FCHSD2: variants seen among roughly 807,000 people sequenced by gnomAD.
FCHSD2 encodes the protein F-BAR and double SH3 domains protein 2.
FCHSD2 carries 38 observed loss-of-function variants against 108.1 expected under a neutral mutation model. The ratio of observed to expected loss-of-function variants is 0.35; its 90% CI spans 0.27 to 0.46. FCHSD2 has a LOEUF of 0.46. Among genes scored for constraint, FCHSD2 ranks in the 20% least tolerant of loss-of-function variants. The pLI is 1.00. For synonymous variants in FCHSD2, 279 were observed against 314.7 expected (o/e 0.89, Z 1.20); for missense variants, 751 against 897.8 (o/e 0.84, Z 2.09).
intron 8 of FCHSD2, among the ~76,000 whole-genome samples, chr11:72,967,195 G>T (rs1212242560): frequency 5.6e-5 from 8 of 142,942 alleles, no homozygotes; most frequent in Non-Finnish European, 9.1e-5. Context: ...GCAAGACTCT[G>T]TCTCAAAAAA....
intron 4 of FCHSD2, among the ~76,000 whole-genome samples, chr11:73,011,877 C>G (rs886902044): frequency 2.6e-5 from 4 of 152,098 alleles, no homozygotes; most frequent in Non-Finnish European, 5.9e-5. Flanking sequence ...CTTGGATGAT[C>G]TAGTCAACAT....
intron 8 of FCHSD2, among the ~76,000 whole-genome samples, chr11:72,982,734 C>G (rs1242151449): frequency 2.6e-5 from 4 of 152,190 alleles, no homozygotes; most frequent in African/African-American, 9.7e-5. Context: ...GGACAGACAT[C>G]TTCATATAGC....
At chr11:72,839,525 A>G (rs1860842162) in intron 19 of FCHSD2, among the ~76,000 whole-genome samples, 1 of 152,170 alleles carries the variant, frequency 6.6e-6, no homozygotes, top group South Asian at 2.1e-4. Flanking sequence ...CAGTAGGGGA[A>G]GTAGAGAAGT....
chr11:72,972,393 A>G (rs1028740916), intron 8 of FCHSD2, among the ~76,000 whole-genome samples: 4 of 152,200 alleles, frequency 2.6e-5, no homozygotes, highest in African/African-American at 9.7e-5. Context: ...TTTCTTTCCA[A>G]ACTATATTTC....
chr11:72,863,248 T>C (rs1854640127), intron 13 of FCHSD2, among the ~76,000 whole-genome samples: 1 of 151,694 alleles, frequency 6.6e-6, no homozygotes, highest in African/African-American at 2.4e-5. Flanking sequence ...TTTTTGACAA[T>C]GATGCAAAGG....
At chr11:73,058,169 G>A (rs1859074665) in intron 3 of FCHSD2, among the ~76,000 whole-genome samples, 1 of 152,134 alleles carries the variant, frequency 6.6e-6, no homozygotes, top group African/African-American at 2.4e-5. Flanking sequence ...GTGAGCCACT[G>A]TGCCTGGCCA....
At chr11:72,924,679 CTTT>C (rs200855476) in intron 8 of FCHSD2, among the ~76,000 whole-genome samples, 1 of 138,448 alleles carries the variant, frequency 7.2e-6, no homozygotes, top group East Asian at 2.1e-4. Context: ...TTCCATTAAA[CTTT>C]TTTTTTTTTT....
intron 3 of FCHSD2, among the ~76,000 whole-genome samples, chr11:73,026,039 T>TGTA (rs1858222092): frequency 6.6e-6 from 1 of 151,692 alleles, no homozygotes; most frequent in African/African-American, 2.4e-5. Flanking sequence ...TATGTATGTA[T>TGTA]TTTGACATAG....
intron 2 of FCHSD2, among the ~76,000 whole-genome samples, chr11:73,085,599 C>A (rs575493204): frequency 6.6e-6 from 1 of 152,156 alleles, no homozygotes; most frequent in East Asian, 1.9e-4. Context: ...ATTGAAAAGT[C>A]ACCACACAAA....
In FCHSD2 at chr11:72,902,628, T is replaced by A; in HGVS notation, c.839A>T (p.Asp280Val). The change falls in exon 10 of 20, where the codon GAC becomes GTC. Residue 280 changes from aspartate to valine, a missense_variant. Transcript: ENST00000409418. ...LLENSSKVVR[D>V]YNLQLFLQEN... The stretch of plus-strand genomic sequence containing the variant: ...TTGCAAAAACAGCTGAAGATTGTAG[T>A]CCCGGACCACCTAAAGAGAAAATAA... 6.4e-7 allele frequency: 1 copy of A among 1,569,632 alleles called. No homozygotes were observed. Among genetic ancestry groups the A allele is most frequent in the Non-Finnish European group, 8.7e-7 (1 of 1,155,584 alleles).
chr11:72,837,323 T>G lies in FCHSD2; in HGVS notation c.*1468A>C, dbSNP rs532348821. ...TCAAAGAACTAAAAATTTCTTCAGT[T>G]ATCACCTTACTTTTGGTCAAAAATC... is the stretch of plus-strand genomic sequence containing the variant. On this transcript the variant is annotated 3_prime_UTR_variant, in exon 20 of 20. Coordinates refer to ENST00000409418, the MANE Select transcript of FCHSD2 (RefSeq NM_014824.3). 1.3e-4 allele frequency: 20 copies of G among 152,708 alleles called. No homozygotes were observed. The East Asian group carries it at 3.9e-3, about 29-fold the overall frequency. The allele number at this position is 152,708 out of a possible 1,614,324, so 9.5% of individuals were successfully genotyped here.
At chr11:73,007,890 T>C (rs1261221080) in intron 4 of FCHSD2, among the ~76,000 whole-genome samples, 2 of 152,210 alleles carry the variant, frequency 1.3e-5, no homozygotes, top group African/African-American at 4.8e-5. Flanking sequence ...GGGTGGGGAA[T>C]GTAAGAGCAC....
chr11:73,078,832 C>T lies in FCHSD2; in HGVS notation c.165+4863G>A, dbSNP rs117591835. 2.6e-4 allele frequency among the ~76,000 whole-genome samples: 40 copies of T among 152,288 alleles called. No homozygotes were observed. In the East Asian group the frequency reaches 7.7e-3, roughly 29 times the overall value. ...ATCCTGGACTCACGTGATTCTCCTG[C>T]TTCAGTCTCCAAGTAGTTACGACTA... is the stretch of plus-strand genomic sequence containing the variant. On this transcript the variant is annotated intron_variant, in intron 3 of 19. Transcript: ENST00000409418.
At chr11:72,856,384 G>T (rs1861429682) in intron 13 of FCHSD2, among the ~76,000 whole-genome samples, 1 of 152,094 alleles carries the variant, frequency 6.6e-6, no homozygotes, top group Admixed American at 6.6e-5. Flanking sequence ...AATTATCACT[G>T]AAGTTTTAAA....
chr11:73,135,070 T>C (rs1861091594), intron 2 of FCHSD2, among the ~76,000 whole-genome samples: 1 of 152,218 alleles, frequency 6.6e-6, no homozygotes, highest in Admixed American at 6.5e-5. Context: ...GCCAGGCTGG[T>C]CTCGAACTCC....
chr11:72,844,099 C>A (rs1014784860), intron 14 of FCHSD2, among the ~76,000 whole-genome samples: 5 of 152,090 alleles, frequency 3.3e-5, no homozygotes, highest in African/African-American at 1.2e-4. Flanking sequence ...CAACTTGATG[C>A]CTCCATTTCT....
chr11:73,064,255 C>T (rs558280662), intron 3 of FCHSD2, among the ~76,000 whole-genome samples: 4 of 152,140 alleles, frequency 2.6e-5, no homozygotes, highest in Non-Finnish European at 4.4e-5. Flanking sequence ...AAAGACACAA[C>T]GTGCCAGAAT....
chr11:72,881,564 T>C (rs184431474), intron 12 of FCHSD2, among the ~76,000 whole-genome samples: 50 of 152,290 alleles, frequency 3.3e-4, no homozygotes, highest in African/African-American at 1.1e-3. Context: ...AGGAAATCAG[T>C]GTATCAAAGT....
intron 4 of FCHSD2, among the ~76,000 whole-genome samples, chr11:73,002,395 T>C (rs1048073804): frequency 3.3e-5 from 5 of 152,144 alleles, no homozygotes; most frequent in African/African-American, 1.2e-4. Flanking sequence ...ATAAAAGCAC[T>C]GATGAAGTTA....
Sources: allele counts gnomAD v4.1 joint callset (sites outside exome capture counted in the v4.1 genomes callset), GRCh38; gene constraint gnomAD v4.1.1; transcripts MANE v1.5; gene names NCBI Gene and HGNC (gene_info 2026-07-23, HGNC 2026-07-21).